The following TIAM2 variants were observed in gnomAD, a reference collection of about 807,000 sequenced individuals.
The protein encoded by TIAM2 is TIAM Rac1 associated GEF 2, also known as rho guanine nucleotide exchange factor TIAM2.
In TIAM2, 80 loss-of-function variants were observed where a neutral mutation model predicts 152.9. The observed-to-expected ratio is 0.52, with a 90% CI of 0.44 to 0.63. The LOEUF is 0.63. Ranked by LOEUF, TIAM2 falls within the 30% of genes least tolerant of loss-of-function variation. The pLI, the probability that TIAM2 is intolerant of heterozygous loss-of-function variation, is 0.00. For missense variants in TIAM2, 1,965 were observed against 2,120.1 expected, an observed-to-expected ratio of 0.93 and a Z score of 1.44; for synonymous variants, 804 against 838.0, an observed-to-expected ratio of 0.96 and a Z score of 0.70.
At chr6:155,170,753 G>A (rs1240753736) in intron 9 of TIAM2, among the ~76,000 whole-genome samples, 2 of 152,316 alleles carry the variant, frequency 1.3e-5, no homozygotes, top group East Asian at 3.9e-4. Context: ...AGGTCCCATC[G>A]ATGCTCTAAG....
chr6:155,007,307 CAT>C (rs1778418616), intron 1 of TIAM2, among the ~76,000 whole-genome samples: 1 of 152,012 alleles, frequency 6.6e-6, no homozygotes, highest in African/African-American at 2.4e-5. Context: ...AGGCCAGTCA[CAT>C]ATAAATGCAG....
At chr6:155,180,809 A>T (rs781319703) in intron 12 of TIAM2, among the ~76,000 whole-genome samples, 18 of 151,986 alleles carry the variant, frequency 1.2e-4, no homozygotes, top group Non-Finnish European at 2.2e-4. Flanking sequence ...GGGTTTCACC[A>T]TGTTGGCCAG....
intron 14 of TIAM2, among the ~76,000 whole-genome samples, chr6:155,203,470 A>C (rs1451338813): frequency 6.6e-6 from 1 of 152,222 alleles, no homozygotes; most frequent in Non-Finnish European, 1.5e-5. Flanking sequence ...GCATAATTCA[A>C]ATAAAGTACG....
intron 7 of TIAM2, among the ~76,000 whole-genome samples, chr6:155,161,791 T>C (rs1314018593): frequency 6.6e-6 from 1 of 151,968 alleles, no homozygotes; most frequent in East Asian, 1.9e-4. Context: ...TTGGTCAGGC[T>C]GGTCTTGAAC....
rs1781038073 is a variant in TIAM2 at position 155,186,108 on chromosome 6, G to A, written c.3064+2608G>A. On this transcript the variant is annotated intron_variant, in intron 14 of 26. Coordinates refer to ENST00000682666, the MANE Select transcript of TIAM2 (RefSeq NM_012454.4). The surrounding 1 kb of genome is among the most constrained non-coding windows in gnomAD (Gnocchi z 4.5). The stretch of plus-strand genomic sequence containing the variant: ...AAAAGATAAAAGTGAAAAAAGACCA[G>A]GTCTCTCATTCATATGCAACATCTG... 1.3e-5 allele frequency among the ~76,000 whole-genome samples: 2 copies of A among 152,210 alleles called. No homozygotes were observed.
intron 2 of TIAM2, among the ~76,000 whole-genome samples, chr6:155,120,990 G>A (rs1779137289): frequency 6.6e-6 from 1 of 151,986 alleles, no homozygotes; most frequent in South Asian, 2.1e-4. Flanking sequence ...TTGTGTCACT[G>A]GTTTTCTTTA....
chr6:155,095,806 T>C (rs1460240436), intron 2 of TIAM2, among the ~76,000 whole-genome samples: 9 of 152,240 alleles, frequency 5.9e-5, no homozygotes, highest in Admixed American at 5.2e-4. Flanking sequence ...ACTGAGAGGC[T>C]GAATATAACA....
chr6:155,125,550 A>G (rs146775121), intron 2 of TIAM2, among the ~76,000 whole-genome samples: 14 of 152,196 alleles, frequency 9.2e-5, no homozygotes, highest in African/African-American at 3.1e-4. Flanking sequence ...TAAAGAATTA[A>G]AAATAGGGCT....
chr6:155,179,117 G>A lies in TIAM2; in HGVS notation c.2602G>A (p.Ala868Thr), dbSNP rs750872447. ...VDDNVEYCIP[A>T]PYEYMQQQVY... ...TGACAATGTTGAGTATTGCATCCCT[G>A]CACCATATGAATATATGCAACAACA... The change falls in exon 11 of 27, where the codon GCA (alanine) becomes ACA (threonine). Residue 868 changes from alanine (A) to threonine (T), a missense_variant. Physicochemically the swap from Ala to Thr is moderately conservative, Grantham distance 58 (BLOSUM62 0). This residue lies in a region of TIAM2 where 1,025 missense variants were observed against 1,119.4 expected (regional missense o/e 0.92). Coordinates refer to ENST00000682666, the MANE Select transcript of TIAM2 (RefSeq NM_012454.4). 4.3e-6 allele frequency: 7 copies of A among 1,613,846 alleles called. No individual in the cohort carries two copies. The East Asian group carries it at 1.6e-4, about 36-fold the overall frequency.
At chr6:155,161,211 G>T (rs1780259720) in intron 7 of TIAM2, among the ~76,000 whole-genome samples, 1 of 124,896 alleles carries the variant, frequency 8.0e-6, no homozygotes, top group Non-Finnish European at 1.8e-5. Context: ...GGGGTATCGG[G>T]TCTCACTCTG....
At chr6:155,147,176 C>CTTTTTTT (rs3028764) in intron 6 of TIAM2, among the ~76,000 whole-genome samples, 3 of 143,332 alleles carry the variant, frequency 2.1e-5, no homozygotes, top group Non-Finnish European at 3.0e-5. Flanking sequence ...TTACATTGTT[C>CTTTTTTT]TTTTTTTTTT....
At chr6:155,151,939 G>C (rs186629688) in intron 7 of TIAM2, among the ~76,000 whole-genome samples, 3 of 148,090 alleles carry the variant, frequency 2.0e-5, no homozygotes, top group African/African-American at 7.4e-5. Flanking sequence ...CCACCTCCCA[G>C]GTTCAAGCGA....
intron 1 of TIAM2, among the ~76,000 whole-genome samples, chr6:155,021,510 C>A (rs73579427): frequency 0.019 from 2,949 of 152,270 alleles, 60 homozygotes; most frequent in African/African-American, 0.052. Flanking sequence ...GATCCGCCCG[C>A]TGCAGCCTCC....
At chr6:155,074,082 C>A (rs1467353317) in intron 1 of TIAM2, among the ~76,000 whole-genome samples, 3 of 152,176 alleles carry the variant, frequency 2.0e-5, no homozygotes, top group Non-Finnish European at 4.4e-5. Context: ...ATTGATGACA[C>A]CATTATGATA....
At chr6:155,189,554 G>A (rs1781141275) in intron 14 of TIAM2, among the ~76,000 whole-genome samples, 1 of 152,168 alleles carries the variant, frequency 6.6e-6, no homozygotes, top group South Asian at 2.1e-4. Context: ...ATAAAACTTA[G>A]TTTTGTTTGA....
At chr6:155,094,843 A>G (rs897378745) in intron 2 of TIAM2, among the ~76,000 whole-genome samples, 4 of 150,578 alleles carry the variant, frequency 2.7e-5, no homozygotes, top group African/African-American at 9.8e-5. Context: ...TCAGCCTCCC[A>G]AAGTGCTGGG....
Position 155,256,742 on chromosome 6 carries a change from G to GT in TIAM2, c.4728dup (p.Gln1577SerfsTer10). On this transcript the variant is annotated frameshift_variant, in exon 27 of 27. Coordinates refer to ENST00000682666, the MANE Select transcript of TIAM2 (RefSeq NM_012454.4). LOFTEE classifies it low-confidence loss of function (END_TRUNC). ...CTGAGCGATGAAGATGATGACCACC[G>GT]TCAGACTGTGAAGCAGGGCAGCCCT... The GT allele has an allele frequency of 6.2e-7, 1 of 1,614,202 alleles. No individual in the cohort carries two copies. Among genetic ancestry groups the GT allele is most frequent in the Non-Finnish European group, 8.5e-7 (1 of 1,180,026 alleles).
chr6:155,082,142 G>A (rs373486060), intron 1 of TIAM2, among the ~76,000 whole-genome samples: 40 of 151,760 alleles, frequency 2.6e-4, no homozygotes, highest in Admixed American at 5.3e-4. Flanking sequence ...CCAAAAATTC[G>A]AGACCAGCCT....
chr6:155,097,968 A>G (rs1778455217), intron 2 of TIAM2, among the ~76,000 whole-genome samples: 1 of 152,042 alleles, frequency 6.6e-6, no homozygotes, highest in South Asian at 2.1e-4. Context: ...TTGGTTATAA[A>G]TGTGTGAATT....
Sources: gnomAD v4.1 joint callset for allele counts (sites outside exome capture counted in the v4.1 genomes callset) on GRCh38, gnomAD v4.1.1 for gene constraint, gnomAD v4.1.1 regional missense constraint, Gnocchi (gnomAD v3.1) non-coding constraint, MANE v1.5 for transcripts, NCBI Gene and HGNC (gene_info 2026-07-23, HGNC 2026-07-21) for gene names.